Variants in PIP5K1B observed in about 807,000 individuals in gnomAD.
The protein encoded by PIP5K1B is phosphatidylinositol-4-phosphate 5-kinase type 1 beta, also known as phosphatidylinositol 4-phosphate 5-kinase type-1 beta.
In PIP5K1B, 42 loss-of-function variants were observed where a neutral mutation model predicts 67.0. The ratio of observed to expected loss-of-function variants is 0.63; its 90% CI spans 0.49 to 0.81. PIP5K1B has a LOEUF of 0.81. Ranked by LOEUF, PIP5K1B falls within the 30% of genes least tolerant of loss-of-function variation. The pLI, the probability that PIP5K1B is intolerant of heterozygous loss-of-function variation, is 0.00. For missense variants in PIP5K1B, 459 were observed against 646.3 expected, an observed-to-expected ratio of 0.71 and a Z score of 3.14; for synonymous variants, 214 against 231.4, an observed-to-expected ratio of 0.92 and a Z score of 0.68.
intron 14 of PIP5K1B, among the ~76,000 whole-genome samples, chr9:68,946,000 C>T (rs893082720): frequency 2.6e-5 from 4 of 152,100 alleles, no homozygotes; most frequent in African/African-American, 9.7e-5. Context: ...TATAAGAAAC[C>T]TAAAATAGCT....
intron 12 of PIP5K1B, among the ~76,000 whole-genome samples, chr9:68,928,402 C>T (rs1826816770): frequency 6.6e-6 from 1 of 152,224 alleles, no homozygotes; most frequent in Non-Finnish European, 1.5e-5. Context: ...TTATATCTTA[C>T]ATCCCATAAA....
intron 1 of PIP5K1B, among the ~76,000 whole-genome samples, chr9:68,716,170 T>C (rs1181156432): frequency 6.6e-6 from 1 of 152,230 alleles, no homozygotes; most frequent in African/African-American, 2.4e-5. Flanking sequence ...GGAAAGAATA[T>C]GGACATGCAG....
chr9:68,780,304 C>G, intron 2 of PIP5K1B: 1 of 1,599,822 alleles, frequency 6.3e-7, no homozygotes, highest in Non-Finnish European at 8.5e-7. Context: ...CTCAGTGACA[C>G]TTCGCCGGTG....
intron 8 of PIP5K1B, among the ~76,000 whole-genome samples, chr9:68,910,716 A>G (rs1825809287): frequency 6.6e-6 from 1 of 152,238 alleles, no homozygotes; most frequent in South Asian, 2.1e-4. Flanking sequence ...GAGGGGAGAC[A>G]TATCCCAATA....
intron 1 of PIP5K1B, among the ~76,000 whole-genome samples, chr9:68,724,666 C>G (rs375664678): frequency 1.4e-4 from 21 of 151,838 alleles, no homozygotes; most frequent in African/African-American, 4.8e-4. Flanking sequence ...GAGTTTATTA[C>G]TAGGTTTTTT....
chr9:68,781,205 C>A (rs1481549510), intron 2 of PIP5K1B: 4 of 772,388 alleles, frequency 5.2e-6, no homozygotes, highest in Non-Finnish European at 8.3e-6. Context: ...CTTTGGATAC[C>A]CTTGAATTCA....
chr9:68,876,475 C>T (rs902263710), intron 5 of PIP5K1B, among the ~76,000 whole-genome samples: 9 of 152,142 alleles, frequency 5.9e-5, no homozygotes, highest in African/African-American at 1.9e-4. Context: ...AAAGCCTGCA[C>T]GGAGTGACCT....
chr9:68,844,131 C>T (rs1822060703), intron 4 of PIP5K1B, among the ~76,000 whole-genome samples: 1 of 152,138 alleles, frequency 6.6e-6, no homozygotes, highest in African/African-American at 2.4e-5. Context: ...AAGAGAGAGG[C>T]CTTACAGTAG....
chr9:68,888,648 A>G (rs1427456939), intron 6 of PIP5K1B, among the ~76,000 whole-genome samples: 1 of 152,188 alleles, frequency 6.6e-6, no homozygotes, highest in African/African-American at 2.4e-5. Context: ...TTGTTATTTT[A>G]TGGACATTTG....
At chr9:68,944,912 G>A (rs1827726065) in intron 14 of PIP5K1B, among the ~76,000 whole-genome samples, 1 of 152,166 alleles carries the variant, frequency 6.6e-6, no homozygotes. Flanking sequence ...GTATATCCGA[G>A]CGTGTTAGTA....
At chr9:68,892,269 G>C (rs1001278091) in intron 7 of PIP5K1B, among the ~76,000 whole-genome samples, 2 of 152,150 alleles carry the variant, frequency 1.3e-5, no homozygotes, top group African/African-American at 4.8e-5. Context: ...CTCATTTGAA[G>C]AATGTTTTTT....
chr9:68,939,961 T>C (rs1827475548), intron 13 of PIP5K1B, among the ~76,000 whole-genome samples: 1 of 152,132 alleles, frequency 6.6e-6, no homozygotes, highest in Admixed American at 6.6e-5. Context: ...TGGGCAGGGG[T>C]TACTGCCCAG....
rs377446511 is a variant in PIP5K1B, at chr9:68,991,184, C to T, written c.1547C>T (p.Thr516Ile). The T allele has an allele frequency of 6.2e-6, 10 of 1,611,592 alleles. No homozygotes were observed. The highest frequency in any genetic ancestry group is 8.5e-6 in the Non-Finnish European group (10 of 1,177,712). ...TCAACATTTACCTTGGAAGAGGGGA[C>T]CATCTACTTGACCGCTGAGCCCAAC... is the stretch of plus-strand genomic sequence containing the variant. ...SSSTFTLEEG[T>I]IYLTAEPNTL... The change falls in exon 15 of 16, where the codon ACC becomes ATC. Residue 516 changes from threonine to isoleucine, a missense_variant. Physicochemically the swap from Thr to Ile is moderately conservative, Grantham distance 89 (BLOSUM62 -1). Around this residue, in one of 2 missense-constraint regions of PIP5K1B, gnomAD observed 169 missense variants for 171.9 expected, o/e 0.98. Coordinates refer to ENST00000265382, the MANE Select transcript of PIP5K1B (RefSeq NM_003558.4).
intron 12 of PIP5K1B, among the ~76,000 whole-genome samples, chr9:68,927,949 A>G (rs867574025): frequency 6.6e-6 from 1 of 152,112 alleles, no homozygotes; most frequent in African/African-American, 2.4e-5. Flanking sequence ...GGTAGAGTCT[A>G]TCTTCATTCT....
At chr9:68,811,624 G>A (rs960332857) in intron 2 of PIP5K1B, among the ~76,000 whole-genome samples, 3 of 152,162 alleles carry the variant, frequency 2.0e-5, no homozygotes, top group Non-Finnish European at 4.4e-5. Flanking sequence ...TTTGAGGTCT[G>A]TTAACACCAC....
intron 14 of PIP5K1B, among the ~76,000 whole-genome samples, chr9:68,972,757 A>G (rs12345359): frequency 0.061 from 9,282 of 152,264 alleles, 593 homozygotes; most frequent in African/African-American, 0.16. Flanking sequence ...CTTCTGAGCC[A>G]GTCAAGTCTA....
intron 11 of PIP5K1B, among the ~76,000 whole-genome samples, chr9:68,922,573 A>T (rs1475468469): frequency 6.6e-6 from 1 of 152,242 alleles, no homozygotes; most frequent in Non-Finnish European, 1.5e-5. Context: ...TGATTTGGAT[A>T]AATGATTACT....
intron 4 of PIP5K1B, among the ~76,000 whole-genome samples, chr9:68,851,631 G>T (rs929188922): frequency 6.6e-6 from 1 of 152,216 alleles, no homozygotes; most frequent in African/African-American, 2.4e-5. Flanking sequence ...GGACCTGGAA[G>T]AGTGGGTAGG....
chr9:68,878,707 A>T (rs1824023038), intron 6 of PIP5K1B, among the ~76,000 whole-genome samples: 1 of 152,236 alleles, frequency 6.6e-6, no homozygotes, highest in African/African-American at 2.4e-5. Context: ...CTATGTAGAA[A>T]ACCAATCAAC....
Sources: gnomAD v4.1 joint callset for allele counts (sites outside exome capture counted in the v4.1 genomes callset) on GRCh38, gnomAD v4.1.1 for gene constraint, gnomAD v4.1.1 regional missense constraint, MANE v1.5 for transcripts, NCBI Gene and HGNC (gene_info 2026-07-23, HGNC 2026-07-21) for gene names.